The following OXCT1 variants were observed in gnomAD, a reference collection of about 807,000 sequenced individuals.
OXCT1 encodes the protein succinyl-CoA:3-ketoacid coenzyme A transferase 1, mitochondrial.
A neutral mutation model predicts 69.6 loss-of-function variants in OXCT1; 27 were observed. The observed-to-expected ratio is 0.39, with a 90% CI of 0.29 to 0.54. OXCT1 has a LOEUF of 0.54. Ranked by LOEUF, OXCT1 falls within the 20% of genes least tolerant of loss-of-function variation. The pLI is 0.72. For synonymous variants in OXCT1, 202 were observed against 217.8 expected, an observed-to-expected ratio of 0.93 and a Z score of 0.64; for missense variants, 437 against 650.2, an observed-to-expected ratio of 0.67 and a Z score of 3.57.
chr5:41,753,278 CACACACACACATAG>C (rs950625133), intron 14 of OXCT1, among the ~76,000 whole-genome samples: 4 of 144,232 alleles, frequency 2.8e-5, no homozygotes, highest in African/African-American at 1.0e-4. Context: ...AATACACACA[CACACACACACATAG>C]ACACACACAC....
In OXCT1 at chr5:41,807,409, A is replaced by T. The variant is rs768868199; in HGVS notation, c.762T>A (p.Phe254Leu). The T allele has an allele frequency of 1.9e-6, 3 of 1,604,936 alleles. No homozygotes were observed. In the East Asian group the frequency reaches 6.7e-5, roughly 36 times the overall value. Residue 254 changes from phenylalanine to leucine, a missense_variant, in exon 8 of 17, where the codon TTT (phenylalanine) becomes TTA (leucine). By Grantham distance (22) the Phe-to-Leu change is conservative. Around this residue, in one of 4 missense-constraint regions of OXCT1, gnomAD observed 252 missense variants for 397.4 expected, o/e 0.63. Transcript: ENST00000196371. ...EVEEIVDIGA[F>L]APEDIHIPQI... ...GAGGAATATGGATGTCTTCTGGAGC[A>T]AATGCTCCAATATCCACAATTTCTT... is the stretch of plus-strand genomic sequence containing the variant.
chr5:41,864,655 T>G (rs947722588), intron 1 of OXCT1, among the ~76,000 whole-genome samples: 7 of 152,178 alleles, frequency 4.6e-5, no homozygotes, highest in African/African-American at 1.4e-4. Context: ...TTTTTGAAGC[T>G]TAGAAGGATC....
At chr5:41,790,858 A>G (rs1294051085) in intron 13 of OXCT1, among the ~76,000 whole-genome samples, 1 of 152,152 alleles carries the variant, frequency 6.6e-6, no homozygotes, top group Non-Finnish European at 1.5e-5. Context: ...ATGTGTCCTC[A>G]AAGGGCTTAA....
chr5:41,802,150 T>A lies in OXCT1; in HGVS notation c.1050+919A>T, dbSNP rs1016382932. On this transcript the variant is annotated intron_variant, in intron 10 of 16. Coordinates refer to ENST00000196371, the MANE Select transcript of OXCT1 (RefSeq NM_000436.4). ...AAAATGCAAGTCTTTAACTTCCACA[T>A]GAATCTGCTTTTATCCAAATATATA... Among the ~76,000 whole-genome samples, 12 of 152,156 alleles carry A rather than the reference T, an allele frequency of 7.9e-5. No homozygotes were observed. In the East Asian group the frequency reaches 2.3e-3, roughly 29 times the overall value.
rs75236656 is a variant in OXCT1, at chr5:41,799,147, C to A, written c.1099+1875G>T. Among the ~76,000 whole-genome samples, 3 of 151,952 alleles carry A rather than the reference C, an allele frequency of 2.0e-5. No individual in the cohort carries two copies. In the East Asian group the frequency reaches 5.8e-4, roughly 29 times the overall value. ...ATTATTATTTTGAATTTTTATCATA[C>A]CAATTATATCCAGAAACATAACTCT... On this transcript the variant is annotated intron_variant, in intron 11 of 16. Transcript: ENST00000196371.
intron 7 of OXCT1, among the ~76,000 whole-genome samples, chr5:41,813,956 A>C (rs1747108564): frequency 6.6e-6 from 1 of 152,054 alleles, no homozygotes; most frequent in African/African-American, 2.4e-5. Context: ...AAATACTTTG[A>C]TTTTTATTTG....
intron 1 of OXCT1, among the ~76,000 whole-genome samples, chr5:41,869,341 A>G (rs958411322): frequency 2.6e-5 from 4 of 152,182 alleles, no homozygotes; most frequent in Non-Finnish European, 5.9e-5. Flanking sequence ...ACCAAGGAAG[A>G]GGCTCCCGCG....
intron 4 of OXCT1, among the ~76,000 whole-genome samples, chr5:41,852,316 C>T (rs1393614166): frequency 6.6e-6 from 1 of 152,148 alleles, no homozygotes; most frequent in African/African-American, 2.4e-5. Context: ...GACTGCAACA[C>T]GAGCCTCAGA....
intron 2 of OXCT1, among the ~76,000 whole-genome samples, chr5:41,862,031 T>C (rs1749762370): frequency 6.6e-6 from 1 of 152,122 alleles, no homozygotes; most frequent in South Asian, 2.1e-4. Context: ...GCCAACATGG[T>C]GAAACCCCAT....
At chr5:41,737,810 C>T (rs897326422) in intron 16 of OXCT1, among the ~76,000 whole-genome samples, 1 of 152,192 alleles carries the variant, frequency 6.6e-6, no homozygotes, top group African/African-American at 2.4e-5. Context: ...AATCCCAGCA[C>T]TTTGGGAGGC....
chr5:41,792,414 G>T (rs759235761), intron 13 of OXCT1, among the ~76,000 whole-genome samples: 14 of 152,104 alleles, frequency 9.2e-5, no homozygotes, highest in Non-Finnish European at 1.8e-4. Flanking sequence ...TTATAGATGA[G>T]GGCATTTTAA....
At chr5:41,838,421 T>C (rs1354223846) in intron 7 of OXCT1, among the ~76,000 whole-genome samples, 2 of 152,190 alleles carry the variant, frequency 1.3e-5, no homozygotes, top group African/African-American at 4.8e-5. Context: ...AGGCTTACAA[T>C]AATCCTATAG....
At chr5:41,750,085 C>T (rs1173787157) in intron 14 of OXCT1, among the ~76,000 whole-genome samples, 6 of 151,400 alleles carry the variant, frequency 4.0e-5, no homozygotes, top group Middle Eastern at 3.2e-3. Context: ...GCCTCCCTTC[C>T]CCACTCTTAG....
chr5:41,840,538 T>TG (rs752711750), intron 6 of OXCT1, 27 bp from the exon 7 acceptor site: 92 of 1,555,238 alleles, frequency 5.9e-5, no homozygotes, highest in Admixed American at 1.4e-4. Flanking sequence ...GATAAGAAAG[T>TG]GGGGGGGAAA....
intron 13 of OXCT1, among the ~76,000 whole-genome samples, chr5:41,768,293 A>G (rs1744713657): frequency 6.6e-6 from 1 of 152,146 alleles, no homozygotes. Context: ...AATCCTCCAC[A>G]TTCTTCTACC....
intron 7 of OXCT1, among the ~76,000 whole-genome samples, chr5:41,810,269 A>G (rs1487607947): frequency 6.6e-6 from 1 of 152,074 alleles, no homozygotes; most frequent in Non-Finnish European, 1.5e-5. Flanking sequence ...AATGATGACT[A>G]AAATGAGCTG....
At position 41,762,631 on chromosome 5, in the gene OXCT1, TA is replaced by T. The variant is rs1392987228; in HGVS notation, c.1249-432del. On this transcript the variant is annotated intron_variant, in intron 13 of 16. Transcript: ENST00000196371. The surrounding 1 kb of genome is among the most constrained non-coding windows in gnomAD (Gnocchi z 4.0). Reference sequence around the variant, plus strand: ...AAGTACTCTTGGATTTCCTGCAGATTAAAATTCCATTATGTAGTAGTAGGCT... The same window carrying T: ...AAGTACTCTTGGATTTCCTGCAGATTAAATTCCATTATGTAGTAGTAGGCT... 6.6e-6 allele frequency among the ~76,000 whole-genome samples: 1 copy of T among 152,148 alleles called. No homozygotes were observed.
rs573247003 is a variant in OXCT1, at chr5:41,857,373, C to G, written c.279-3819G>C. 1.4e-4 allele frequency among the ~76,000 whole-genome samples: 21 copies of G among 152,314 alleles called. No homozygotes were observed. The South Asian group carries it at 2.3e-3, about 17-fold the overall frequency. On this transcript the variant is annotated intron_variant, in intron 3 of 16. Transcript: ENST00000196371. ...GCCCTTTGATGTCCCCAACCTCACTCCACCCATTCTCCTTTTGGCTCACTT... is the reference window on the plus strand; with the variant it reads ...GCCCTTTGATGTCCCCAACCTCACTGCACCCATTCTCCTTTTGGCTCACTT...
intron 13 of OXCT1, among the ~76,000 whole-genome samples, chr5:41,771,009 T>A (rs191988344): frequency 1.6e-4 from 25 of 152,296 alleles, no homozygotes; most frequent in African/African-American, 5.3e-4. Flanking sequence ...TAAGTGAAAC[T>A]CACTTTATTA....
Sources: gnomAD v4.1 joint callset for allele counts (sites outside exome capture counted in the v4.1 genomes callset) on GRCh38, gnomAD v4.1.1 for gene constraint, gnomAD v4.1.1 regional missense constraint, Gnocchi (gnomAD v3.1) non-coding constraint, MANE v1.5 for transcripts, NCBI Gene and HGNC (gene_info 2026-07-23, HGNC 2026-07-21) for gene names.